KCNQ5: variants seen among roughly 807,000 people sequenced by gnomAD.
KCNQ5 encodes the protein potassium voltage-gated channel subfamily KQT member 5.
KCNQ5 carries 30 observed loss-of-function variants against 98.2 expected under a neutral mutation model. The observed-to-expected ratio is 0.31, with a 90% CI of 0.23 to 0.41. The LOEUF (loss-of-function observed/expected upper bound fraction) is 0.41, where lower values mean the gene tolerates loss of function less well. KCNQ5 is among the 10% of genes least tolerant of loss of function. The pLI is 1.00. For synonymous variants in KCNQ5, 458 were observed against 449.4 expected, an observed-to-expected ratio of 1.02 and a Z score of -0.24; for missense variants, 835 against 1,182.5, an observed-to-expected ratio of 0.71 and a Z score of 4.31.
chr6:72,982,055 G>T (rs1768486455), intron 1 of KCNQ5, among the ~76,000 whole-genome samples: 1 of 152,178 alleles, frequency 6.6e-6, no homozygotes, highest in African/African-American at 2.4e-5. Context: ...TACATTTGCA[G>T]AGGAGTGCTT....
chr6:73,179,843 T>C (rs1407090785), intron 11 of KCNQ5, among the ~76,000 whole-genome samples: 1 of 152,222 alleles, frequency 6.6e-6, no homozygotes, highest in Non-Finnish European at 1.5e-5. Context: ...CCCACCACCT[T>C]GCACATCACA....
At chr6:73,158,716 G>C (rs1246953185) in intron 10 of KCNQ5, among the ~76,000 whole-genome samples, 1 of 152,012 alleles carries the variant, frequency 6.6e-6, no homozygotes, top group Non-Finnish European at 1.5e-5. Flanking sequence ...CACTAGTACA[G>C]CTAATTTTAT....
intron 1 of KCNQ5, among the ~76,000 whole-genome samples, chr6:72,813,004 A>G (rs79397952): frequency 0.051 from 7,745 of 152,330 alleles, 253 homozygotes; most frequent in Non-Finnish European, 0.073. Context: ...AATATAGTAT[A>G]CACTGCCTTG....
At chr6:72,735,389 A>G (rs1770775352) in intron 1 of KCNQ5, among the ~76,000 whole-genome samples, 1 of 152,198 alleles carries the variant, frequency 6.6e-6, no homozygotes, top group Admixed American at 6.5e-5. Flanking sequence ...TTTTCAAATG[A>G]CATATTTTGA....
intron 1 of KCNQ5, chr6:72,986,957 G>A (rs75465154): frequency 0.026 from 20,521 of 803,370 alleles, 354 homozygotes; most frequent in Non-Finnish European, 0.032. Context: ...GGAAGCAGAA[G>A]AGCCCCAGGG....
At chr6:73,190,436 CA>C in intron 11 of KCNQ5, 136 bp from the exon 12 acceptor site, 1 of 395,616 alleles carries the variant, frequency 2.5e-6, no homozygotes, top group Non-Finnish European at 4.4e-6. Flanking sequence ...TTTTATATTA[CA>C]CATCTGCAGA....
intron 1 of KCNQ5, among the ~76,000 whole-genome samples, chr6:72,648,236 G>C (rs1765699671): frequency 6.6e-6 from 1 of 152,130 alleles, no homozygotes; most frequent in African/African-American, 2.4e-5. Context: ...AAGAACTGAG[G>C]ATCACTTCTT....
chr6:72,666,782 T>C (rs1483246824), intron 1 of KCNQ5, among the ~76,000 whole-genome samples: 1 of 152,172 alleles, frequency 6.6e-6, no homozygotes, highest in African/African-American at 2.4e-5. Context: ...TGCATTATCA[T>C]AAAATTCACA....
chr6:72,836,805 A>C (rs140829200), intron 1 of KCNQ5, among the ~76,000 whole-genome samples: 292 of 152,258 alleles, frequency 1.9e-3, no homozygotes, highest in African/African-American at 6.7e-3. Context: ...TTTCTAAAGG[A>C]AAGTGGTGAG....
chr6:72,652,650 G>T (rs923435422), intron 1 of KCNQ5, among the ~76,000 whole-genome samples: 1 of 151,950 alleles, frequency 6.6e-6, no homozygotes, highest in South Asian at 2.1e-4. Flanking sequence ...TCTCCTCACC[G>T]TTGCCAGTGG....
intron 1 of KCNQ5, among the ~76,000 whole-genome samples, chr6:72,744,814 AAAAAAG>A (rs1251346269): frequency 2.0e-5 from 3 of 152,270 alleles, no homozygotes; most frequent in East Asian, 3.9e-4. Context: ...CGTCTAAAAA[AAAAAAG>A]AAAAAGAAAA....
intron 1 of KCNQ5, among the ~76,000 whole-genome samples, chr6:72,920,077 G>A (rs530712241): frequency 1.1e-4 from 16 of 152,234 alleles, no homozygotes; most frequent in African/African-American, 3.9e-4. Context: ...CGAGGTGGGT[G>A]GATCACCTGA....
At chr6:73,031,626 G>A (rs1400629159) in intron 2 of KCNQ5, among the ~76,000 whole-genome samples, 2 of 152,168 alleles carry the variant, frequency 1.3e-5, no homozygotes, top group Non-Finnish European at 2.9e-5. Flanking sequence ...TTTCTGGCAC[G>A]AGATTTTGTG....
At chr6:73,124,934 G>A (rs1365218058) in intron 9 of KCNQ5, among the ~76,000 whole-genome samples, 3 of 84,602 alleles carry the variant, frequency 3.5e-5, no homozygotes, top group African/African-American at 1.1e-4. Flanking sequence ...TTCTTTTGGA[G>A]TGATATATAT....
intron 5 of KCNQ5, among the ~76,000 whole-genome samples, 174 bp downstream of exon 5, chr6:73,078,061 C>A (rs1270237699): frequency 1.3e-5 from 2 of 151,434 alleles, no homozygotes; most frequent in Non-Finnish European, 2.9e-5. Flanking sequence ...CTTTTTAGGC[C>A]AACTAAGTTG....
intron 1 of KCNQ5, among the ~76,000 whole-genome samples, chr6:72,848,474 T>C (rs1380732768): frequency 7.2e-5 from 11 of 152,208 alleles, no homozygotes; most frequent in Admixed American, 7.2e-4. Flanking sequence ...GGTTCATTAA[T>C]AACAAATATA....
intron 1 of KCNQ5, among the ~76,000 whole-genome samples, chr6:72,659,636 A>G (rs1049878600): frequency 2.0e-5 from 3 of 152,154 alleles, no homozygotes; most frequent in Non-Finnish European, 4.4e-5. Flanking sequence ...AAGGAATGGA[A>G]GGGCAAAAAA....
intron 1 of KCNQ5, among the ~76,000 whole-genome samples, chr6:72,810,842 T>C (rs952871202): frequency 3.9e-5 from 6 of 152,204 alleles, no homozygotes; most frequent in Non-Finnish European, 8.8e-5. Context: ...TTAACAATTT[T>C]CCCCAGCTAC....
rs1000649544 is a variant in KCNQ5, at chr6:72,803,237, G to A, written c.398+180650G>A. On this transcript the variant is annotated intron_variant, in intron 1 of 13. Transcript: ENST00000370398. ...GAGGGGCATGCAATGCCACGTACAC[G>A]TTCATTCTCACCATTTTAATTTTTG... 1.8e-4 allele frequency among the ~76,000 whole-genome samples: 27 copies of A among 152,100 alleles called. 1 individual carries two copies. Among genetic ancestry groups the A allele is most frequent in the African/African-American group, 5.8e-4 (24 of 41,412 alleles).
Sources: gnomAD v4.1 joint callset for allele counts (sites outside exome capture counted in the v4.1 genomes callset) on GRCh38, gnomAD v4.1.1 for gene constraint, MANE v1.5 for transcripts, NCBI Gene and HGNC (gene_info 2026-07-23, HGNC 2026-07-21) for gene names.